ROBO2: variants seen among roughly 807,000 people sequenced by gnomAD.
ROBO2 encodes the protein roundabout guidance receptor 2.
A neutral mutation model predicts 160.8 loss-of-function variants in ROBO2; 53 were observed. That is an observed-to-expected ratio of 0.33 (90% CI 0.26 to 0.41). The LOEUF is 0.41. Among genes scored for constraint, ROBO2 ranks in the 10% least tolerant of loss-of-function variants. The pLI is 1.00. For synonymous variants in ROBO2, 664 were observed against 611.7 expected, an observed-to-expected ratio of 1.09 and a Z score of -1.26; for missense variants, 1,577 against 1,722.4, an observed-to-expected ratio of 0.92 and a Z score of 1.49.
chr3:77,306,580 TA>T (rs1271703421), intron 2 of ROBO2, among the ~76,000 whole-genome samples: 2 of 152,186 alleles, frequency 1.3e-5, no homozygotes, highest in African/African-American at 4.8e-5. Flanking sequence ...GTAAGTTCAC[TA>T]ATAGACCAGT....
In ROBO2 at chr3:77,493,401, T is replaced by C; in HGVS notation, c.806+19T>C. 2 of 1,613,332 alleles carry C rather than the reference T, an allele frequency of 1.2e-6. No individual in the cohort carries two copies. The highest frequency in any genetic ancestry group is 1.7e-6 in the Non-Finnish European group (2 of 1,179,390). ...GAGGAAGGTAAGACCAACATATGGA[T>C]GGAAGATTGTTAGATAACCAATGAA... On this transcript the variant is annotated intron_variant, in intron 5 of 25. Coordinates refer to ENST00000461745, the Ensembl canonical transcript of ROBO2.
chr3:77,104,282 A>T (rs1341793632), intron 2 of ROBO2, among the ~76,000 whole-genome samples: 1 of 152,112 alleles, frequency 6.6e-6, no homozygotes, highest in Non-Finnish European at 1.5e-5. Context: ...ACATTTTCCT[A>T]TTCTGGACAT....
chr3:76,516,278 C>A (rs188867666), intron 2 of ROBO2, among the ~76,000 whole-genome samples: 4 of 152,216 alleles, frequency 2.6e-5, no homozygotes, highest in South Asian at 2.1e-4. Flanking sequence ...CTAAATTGTT[C>A]TTTTCTCCCA....
rs75937855 is a variant in ROBO2 at position 76,094,242 on chromosome 3, T to C, written c.109+156640T>C. ...CTCAAAATAATCAATTCTGTGTGCC[T>C]GCCTTGTAGGATCGGCCCATCCAGT... On this transcript the variant is annotated intron_variant, in intron 2 of 26. Transcript: ENST00000487694. Among the ~76,000 whole-genome samples the C allele has an allele frequency of 7.2e-3, 1,090 of 152,278 alleles. 68 individuals carry two copies. The East Asian group carries it at 0.16, about 22-fold the overall frequency.
chr3:76,379,293 G>A (rs2076504564), intron 2 of ROBO2, among the ~76,000 whole-genome samples: 1 of 151,998 alleles, frequency 6.6e-6, no homozygotes, highest in African/African-American at 2.4e-5. Context: ...TGAAAAATAT[G>A]TATTTAAACA....
At chr3:75,946,287 T>C (rs1461401667) in intron 2 of ROBO2, among the ~76,000 whole-genome samples, 3 of 151,956 alleles carry the variant, frequency 2.0e-5, no homozygotes, top group African/African-American at 7.3e-5. Flanking sequence ...TAGAAATATA[T>C]ACTATAACAA....
At chr3:76,094,686 A>G (rs1440352006) in intron 2 of ROBO2, among the ~76,000 whole-genome samples, 1 of 152,224 alleles carries the variant, frequency 6.6e-6, no homozygotes, top group East Asian at 1.9e-4. Context: ...AGGAAGGAGA[A>G]TTCATTCTTC....
chr3:76,251,396 G>C (rs1156937081), intron 2 of ROBO2, among the ~76,000 whole-genome samples: 1 of 152,010 alleles, frequency 6.6e-6, no homozygotes, highest in Non-Finnish European at 1.5e-5. Flanking sequence ...GCAGGAAGAG[G>C]AGAAAAGAAT....
At chr3:77,026,459 C>T (rs1320292059) in intron 2 of ROBO2, among the ~76,000 whole-genome samples, 2 of 152,128 alleles carry the variant, frequency 1.3e-5, no homozygotes. Flanking sequence ...TGGGTTAGAC[C>T]AGATGTGTCA....
chr3:76,271,920 C>T (rs142861481), intron 2 of ROBO2, among the ~76,000 whole-genome samples: 11,485 of 152,062 alleles, frequency 0.076, 724 homozygotes, highest in African/African-American at 0.16. Flanking sequence ...GTACAAAACC[C>T]ATCAGAATAT....
intron 9 of ROBO2, among the ~76,000 whole-genome samples, chr3:77,560,137 G>C (rs557723838): frequency 6.6e-6 from 1 of 152,160 alleles, no homozygotes; most frequent in South Asian, 2.1e-4. Context: ...GCAATTAAAG[G>C]TGGGTGCTTG....
At chr3:77,126,333 A>G (rs7649370) in intron 2 of ROBO2, among the ~76,000 whole-genome samples, 56,524 of 152,030 alleles carry the variant, frequency 0.37, 10,959 homozygotes, top group Middle Eastern at 0.48. Flanking sequence ...GAGTGTTATT[A>G]TAGAAGCAAT....
At chr3:76,697,270 T>C (rs1393607031) in intron 2 of ROBO2, among the ~76,000 whole-genome samples, 1 of 152,186 alleles carries the variant, frequency 6.6e-6, no homozygotes, top group Non-Finnish European at 1.5e-5. Context: ...GTATTTTTTC[T>C]GATATTCATT....
chr3:77,121,140 T>G (rs1424691121), intron 2 of ROBO2, among the ~76,000 whole-genome samples: 1 of 152,060 alleles, frequency 6.6e-6, no homozygotes, highest in Non-Finnish European at 1.5e-5. Flanking sequence ...AGACGGGGTT[T>G]CACCATGTTG....
intron 2 of ROBO2, among the ~76,000 whole-genome samples, chr3:76,132,334 T>C (rs1342837852): frequency 2.1e-5 from 3 of 141,758 alleles, no homozygotes. Flanking sequence ...GCCCAAGGTT[T>C]TCACTGGGCC....
In ROBO2 at chr3:77,477,383, G is replaced by C. The variant is rs1272988325; in HGVS notation, c.389-31G>C. 2.5e-6 allele frequency: 4 copies of C among 1,609,314 alleles called. No homozygotes were observed. The African/African-American group carries it at 5.3e-5, about 22-fold the overall frequency. On this transcript the variant is annotated intron_variant, in intron 2 of 25. Coordinates refer to ENST00000461745, the Ensembl canonical transcript of ROBO2. ...AAAAAGCCTAAGTTACTGTCGTTGA[G>C]TTTTCTTTTCCTGTAATTATTTTTC... is the stretch of plus-strand genomic sequence containing the variant.
chr3:77,140,105 T>C (rs1280046179), intron 2 of ROBO2, among the ~76,000 whole-genome samples: 1 of 152,194 alleles, frequency 6.6e-6, no homozygotes, highest in Non-Finnish European at 1.5e-5. Flanking sequence ...ACAATTACAT[T>C]CCACTTTATA....
intron 2 of ROBO2, among the ~76,000 whole-genome samples, chr3:77,429,265 G>A (rs1379770824): frequency 6.6e-6 from 1 of 152,034 alleles, no homozygotes; most frequent in East Asian, 1.9e-4. Flanking sequence ...CTGGTAATAG[G>A]CCAGGAGCTA....
intron 2 of ROBO2, among the ~76,000 whole-genome samples, chr3:77,021,959 G>A (rs2062664345): frequency 6.6e-6 from 1 of 152,174 alleles, no homozygotes; most frequent in South Asian, 2.1e-4. Flanking sequence ...ACTACCCAGA[G>A]GCCGGGTGTA....
Sources: allele counts gnomAD v4.1 joint callset (sites outside exome capture counted in the v4.1 genomes callset), GRCh38; gene constraint gnomAD v4.1.1; transcripts MANE v1.5; gene names NCBI Gene and HGNC (gene_info 2026-07-23, HGNC 2026-07-21).